Variants in SLC47A2 observed in about 807,000 individuals in gnomAD.
The protein encoded by SLC47A2 is solute carrier family 47 member 2.
A neutral mutation model predicts 67.7 loss-of-function variants in SLC47A2; 52 were observed. The ratio of observed to expected loss-of-function variants is 0.77; its 90% confidence interval spans 0.61 to 0.97. The LOEUF is 0.97. Ranked by LOEUF, SLC47A2 falls within the 50% of genes least tolerant of loss-of-function variation. SLC47A2 has a pLI of 0.00. For synonymous variants in SLC47A2, 278 were observed against 292.9 expected (o/e 0.95, Z 0.52); for missense variants, 676 against 712.3 (o/e 0.95, Z 0.58).
chr17:19,702,719 G>C, intron 12 of SLC47A2, 45 bp from the exon 13 acceptor site: 1 of 1,601,446 alleles, frequency 6.2e-7, no homozygotes, highest in Non-Finnish European at 8.5e-7. Flanking sequence ...TGTATCCTTT[G>C]AGACCCATTT....
chr17:19,709,329 G>A (rs1356297377), intron 5 of SLC47A2, among the ~76,000 whole-genome samples: 2 of 152,204 alleles, frequency 1.3e-5, no homozygotes, highest in African/African-American at 2.4e-5. Context: ...GTGTTGGGGG[G>A]CACTGTACCT....
At chr17:19,695,714 G>T (rs2085648312) in intron 13 of SLC47A2, among the ~76,000 whole-genome samples, 1 of 151,508 alleles carries the variant, frequency 6.6e-6, no homozygotes, top group Non-Finnish European at 1.5e-5. Context: ...TCCCACAAAA[G>T]ATACTGAAAT....
intron 15 of SLC47A2, among the ~76,000 whole-genome samples, chr17:19,681,085 T>C (rs1229887212): frequency 1.3e-5 from 2 of 152,018 alleles, no homozygotes; most frequent in South Asian, 2.1e-4. Flanking sequence ...TGGTGGCGGG[T>C]GCCTGTAGTC....
chr17:19,702,472 G>A (rs1167300852), intron 13 of SLC47A2, 133 bp downstream of exon 13: 8 of 1,471,914 alleles, frequency 5.4e-6, no homozygotes, highest in Non-Finnish European at 7.2e-6. Flanking sequence ...AAATACTTTG[G>A]GCACTTACTA....
chr17:19,679,366 C>T (rs1486387783), intron 16 of SLC47A2, among the ~76,000 whole-genome samples: 3 of 152,194 alleles, frequency 2.0e-5, no homozygotes, highest in Admixed American at 6.5e-5. Flanking sequence ...TGTGCACACA[C>T]GCCTGGCACT....
Position 19,678,873 on chromosome 17 carries a change from G to A in SLC47A2, c.1514C>T (p.Thr505Ile), listed in dbSNP as rs113679066. The part of the protein sequence containing the change: ...ATGSSPGITL[T>I]TYSRSECHVD... The stretch of plus-strand genomic sequence containing the variant: ...GTGGCACTCAGACCTTGAATACGTT[G>A]TCAAGGTAATGCCAGGGGAACTGCC... The change falls in exon 17 of 17, where the codon ACA becomes ATA. Residue 505 changes from threonine to isoleucine, a missense_variant. Thr to Ile is a moderately conservative substitution (Grantham distance 89, BLOSUM62 -1). Coordinates refer to ENST00000433844, the MANE Select transcript of SLC47A2 (RefSeq NM_001099646.3). 20 of 1,596,012 alleles carry A rather than the reference G, an allele frequency of 1.3e-5. No homozygotes were observed. The African/African-American group carries it at 2.5e-4, about 20-fold the overall frequency.
At chr17:19,703,935 A>G in intron 11 of SLC47A2, 135 bp downstream of exon 11, 2 of 607,076 alleles carry the variant, frequency 3.3e-6, no homozygotes, top group Non-Finnish European at 5.4e-6. Context: ...GTCAGATGGC[A>G]GGTCCAGCAG....
chr17:19,703,542 G>A (rs544023109), intron 11 of SLC47A2, among the ~76,000 whole-genome samples: 13 of 152,360 alleles, frequency 8.5e-5, no homozygotes, highest in East Asian at 1.9e-4. Context: ...GGATTCCAGC[G>A]CAGGCTACAG....
At chr17:19,693,183 T>G (rs2085581586) in intron 13 of SLC47A2, among the ~76,000 whole-genome samples, 1 of 151,918 alleles carries the variant, frequency 6.6e-6, no homozygotes, top group South Asian at 2.1e-4. Context: ...GAAAATCAAT[T>G]AATACAAAAC....
chr17:19,708,606 A>C, intron 6 of SLC47A2, 110 bp downstream of exon 6: 1 of 1,592,556 alleles, frequency 6.3e-7, no homozygotes. Context: ...ACCCCTTTCA[A>C]GAGCTGGTTC....
chr17:19,691,453 T>G (rs938683519), intron 13 of SLC47A2, among the ~76,000 whole-genome samples: 1 of 152,150 alleles, frequency 6.6e-6, no homozygotes. Flanking sequence ...TGCAACAACA[T>G]GCATGGACCT....
At chr17:19,682,363 A>ACACACACACACACC (rs369670906) in intron 13 of SLC47A2, among the ~76,000 whole-genome samples, 1 of 151,136 alleles carries the variant, frequency 6.6e-6, no homozygotes, top group African/African-American at 2.5e-5. Context: ...ACACACACAC[A>ACACACACACACACC]CAAATTTATT....
intron 15 of SLC47A2, 125 bp downstream of exon 15, chr17:19,681,242 C>T: frequency 1.3e-6 from 1 of 750,066 alleles, no homozygotes; most frequent in East Asian, 2.7e-5. Flanking sequence ...AAAAAAACAC[C>T]TGCAGCTTAT....
At chr17:19,698,847 C>T (rs1307380990) in intron 13 of SLC47A2, among the ~76,000 whole-genome samples, 1 of 152,004 alleles carries the variant, frequency 6.6e-6, no homozygotes, top group East Asian at 1.9e-4. Flanking sequence ...ATTTGAAAAA[C>T]AATAATACAA....
intron 3 of SLC47A2, 124 bp from the exon 4 acceptor site, chr17:19,714,097 A>G (rs2086184336): frequency 1.9e-5 from 25 of 1,339,854 alleles, no homozygotes; most frequent in Non-Finnish European, 2.5e-5. Flanking sequence ...TCTGGTGACC[A>G]CAGCCTGGCG....
chr17:19,681,718 G>A (rs972486954), intron 13 of SLC47A2, 48 bp from the exon 14 acceptor site: 2 of 1,575,860 alleles, frequency 1.3e-6, no homozygotes, highest in African/African-American at 1.3e-5. Context: ...ATGAGACTAA[G>A]AGCAGGTGTC....
intron 5 of SLC47A2, 137 bp from the exon 6 acceptor site, chr17:19,708,897 C>G (rs1392227172): frequency 5.3e-6 from 6 of 1,123,514 alleles, no homozygotes; most frequent in Non-Finnish European, 7.7e-6. Flanking sequence ...TGGGACCTCT[C>G]AGGTGCGGCC....
upstream of SLC47A2, chr17:19,718,587 T>C (rs1443672636): frequency 6.6e-6 from 1 of 152,212 alleles, no homozygotes; most frequent in Non-Finnish European, 1.5e-5. Context: ...ATTCCCAGGA[T>C]TTTTGTGATA....
chr17:19,707,802 G>C lies in SLC47A2; in HGVS notation c.671C>G (p.Thr224Ser). 1 of 1,605,294 alleles carries C rather than the reference G, an allele frequency of 6.2e-7. No homozygotes were observed. Among genetic ancestry groups the C allele is most frequent in the South Asian group, 1.1e-5 (1 of 89,284 alleles). Residue 224 changes from threonine (T) to serine (S), a missense_variant, in exon 8 of 17, where the codon ACC (threonine) becomes AGC (serine). Transcript: ENST00000433844. ...YANIISQFAQ[T>S]VFLLLYIVLK... ...CACAATGTAGAGAAGGAGGAAGACG[G>C]TCTGTGCAAACTGGGAGATGATGTT...
Sources: allele counts gnomAD v4.1 joint callset (sites outside exome capture counted in the v4.1 genomes callset), GRCh38; gene constraint gnomAD v4.1.1; transcripts MANE v1.5; gene names NCBI Gene and HGNC (gene_info 2026-07-23, HGNC 2026-07-21).